SPEF2: variants seen among roughly 807,000 people sequenced by gnomAD.
SPEF2 encodes the protein sperm flagella and cilia-associated protein 2.
A neutral mutation model predicts 224.6 loss-of-function variants in SPEF2; 187 were observed. That is an observed-to-expected ratio of 0.83 (90% CI 0.74 to 0.94). SPEF2 has a LOEUF of 0.94. Ranked by LOEUF, SPEF2 falls within the 40% of genes least tolerant of loss-of-function variation. The pLI is 0.00. For synonymous variants in SPEF2, 715 were observed against 707.3 expected, an observed-to-expected ratio of 1.01 and a Z score of -0.17; for missense variants, 2,170 against 2,135.6, an observed-to-expected ratio of 1.02 and a Z score of -0.32.
chr5:35,706,834 A>T (rs1422518635), intron 18 of SPEF2, among the ~76,000 whole-genome samples: 2 of 152,210 alleles, frequency 1.3e-5, no homozygotes, highest in Non-Finnish European at 2.9e-5. Context: ...CAAACAAAAA[A>T]TAATCATATA....
intron 5 of SPEF2, 41 bp from the exon 6 acceptor site, chr5:35,649,320 G>A: frequency 6.5e-7 from 1 of 1,527,768 alleles, no homozygotes; most frequent in East Asian, 2.3e-5. Context: ...TTTTTCAATG[G>A]TTTTTAGAGG....
chr5:35,664,899 G>A (rs546116064), intron 8 of SPEF2, among the ~76,000 whole-genome samples: 6 of 151,916 alleles, frequency 3.9e-5, no homozygotes, highest in Admixed American at 6.6e-5. Flanking sequence ...TTTTTTGAGC[G>A]TTTTTGTTTT....
At chr5:35,693,906 TA>T (rs139473114) in intron 12 of SPEF2, among the ~76,000 whole-genome samples, 2 of 152,188 alleles carry the variant, frequency 1.3e-5, no homozygotes, top group African/African-American at 4.8e-5. Flanking sequence ...AATGTACATT[TA>T]AAAAAATTAC....
At chr5:35,795,199 G>A (rs1756494503) in intron 32 of SPEF2, among the ~76,000 whole-genome samples, 1 of 152,112 alleles carries the variant, frequency 6.6e-6, no homozygotes, top group Admixed American at 6.6e-5. Flanking sequence ...GAGATCTTGA[G>A]TCAGTCATTC....
At chr5:35,797,151 T>C (rs1756778225) in intron 33 of SPEF2, among the ~76,000 whole-genome samples, 1 of 152,238 alleles carries the variant, frequency 6.6e-6, no homozygotes, top group Admixed American at 6.5e-5. Flanking sequence ...ATCTTTGAGC[T>C]GCTCACTTGG....
chr5:35,628,907 A>G (rs978894042), intron 2 of SPEF2, among the ~76,000 whole-genome samples: 2 of 152,010 alleles, frequency 1.3e-5, no homozygotes, highest in Admixed American at 6.6e-5. Context: ...TTTACTTTTA[A>G]GAAAAGTTCA....
chr5:35,748,798 C>A (rs1277751932), intron 23 of SPEF2, among the ~76,000 whole-genome samples: 2 of 151,178 alleles, frequency 1.3e-5, no homozygotes. Flanking sequence ...GTAGAGAAAG[C>A]ATTACCAAAA....
Position 35,747,805 on chromosome 5 carries a change from G to A in SPEF2, c.3331-5819G>A, listed in dbSNP as rs190888919. ...GATAGAAAGTCAACAAGGAAACAATGGATTTAAACTATTGCTTGGAACAAA... is the reference window on the plus strand; with the variant it reads ...GATAGAAAGTCAACAAGGAAACAATAGATTTAAACTATTGCTTGGAACAAA... On this transcript the variant is annotated intron_variant, in intron 23 of 36. Transcript: ENST00000356031. Among the ~76,000 whole-genome samples, 733 of 152,192 alleles carry A rather than the reference G, an allele frequency of 4.8e-3. 5 individuals carry two copies. The highest frequency in any genetic ancestry group is 0.017 in the African/African-American group (691 of 41,530).
At position 35,792,334 on chromosome 5, in the gene SPEF2, T is replaced by A; in HGVS notation, c.4448-6T>A. ...AAGTGACAAAATATTTTTCATTGTA[T>A]TATAGGCATAATAGGAAATAAAGCA... On this transcript the variant is annotated splice_region_variant and splice_polypyrimidine_tract_variant and intron_variant, in intron 30 of 36. Transcript: ENST00000356031. The A allele has an allele frequency of 6.2e-7, 1 of 1,611,706 alleles. No homozygotes were observed. The highest frequency in any genetic ancestry group is 1.1e-5 in the South Asian group (1 of 90,814).
intron 8 of SPEF2, among the ~76,000 whole-genome samples, chr5:35,664,192 G>T (rs561664230): frequency 6.6e-6 from 1 of 151,164 alleles, no homozygotes; most frequent in East Asian, 2.0e-4. Flanking sequence ...ACATGTATTT[G>T]TGTGGCTTTT....
At chr5:35,651,346 A>C (rs895263493) in intron 6 of SPEF2, among the ~76,000 whole-genome samples, 5 of 152,154 alleles carry the variant, frequency 3.3e-5, no homozygotes, top group African/African-American at 1.2e-4. Flanking sequence ...GGTCCTGCCA[A>C]AGATTTCCAG....
In SPEF2 at chr5:35,694,329, A is replaced by C; in HGVS notation, c.1941A>C (p.Glu647Asp). Residue 647 changes from glutamate to aspartate, a missense_variant, in exon 13 of 37, where the codon GAA (glutamate) becomes GAC (aspartate). By Grantham distance (45) the Glu-to-Asp change is conservative. Transcript: ENST00000356031. ...TTTCAGCTGGTCCAGTTTCAGATGA[A>C]GTATTACCAGAAACAGAAGGTGAAA... ...HVFSAGPVSDEVLPETEGETM... is the reference protein window; with the variant it reads ...HVFSAGPVSDDVLPETEGETM... 1 of 1,613,554 alleles carries C rather than the reference A, an allele frequency of 6.2e-7. No homozygotes were observed. The highest frequency in any genetic ancestry group is 8.5e-7 in the Non-Finnish European group (1 of 1,179,700).
intron 15 of SPEF2, chr5:35,698,356 A>G (rs549897332): frequency 5.1e-4 from 77 of 152,330 alleles, no homozygotes; most frequent in African/African-American, 1.6e-3. Context: ...TTCTTAAAAG[A>G]TGACATTAAA....
chr5:35,702,857 C>T (rs961117760), intron 16 of SPEF2, among the ~76,000 whole-genome samples: 5 of 152,038 alleles, frequency 3.3e-5, no homozygotes, highest in African/African-American at 9.6e-5. Flanking sequence ...AAGAATTGTA[C>T]GCTAAATTTT....
At chr5:35,670,401 C>T in intron 10 of SPEF2, 174 bp downstream of exon 10, 6 of 1,333,586 alleles carry the variant, frequency 4.5e-6, no homozygotes, top group Non-Finnish European at 5.7e-6. Context: ...TTAAACTATA[C>T]ATAAGCTATT....
At chr5:35,712,478 C>T (rs13186771) in intron 19 of SPEF2, among the ~76,000 whole-genome samples, 94,467 of 151,988 alleles carry the variant, frequency 0.62, 31,028 homozygotes, top group East Asian at 0.77. Flanking sequence ...GCCATATGCT[C>T]CAAATGGATT....
At chr5:35,684,855 A>T (rs866842559) in intron 10 of SPEF2, among the ~76,000 whole-genome samples, 47 of 152,290 alleles carry the variant, frequency 3.1e-4, no homozygotes, top group African/African-American at 1.1e-3. Flanking sequence ...TTCCACTTCA[A>T]ATTGGCCTTG....
intron 23 of SPEF2, among the ~76,000 whole-genome samples, chr5:35,747,793 C>G (rs186386961): frequency 1.2e-4 from 18 of 152,224 alleles, no homozygotes; most frequent in Non-Finnish European, 1.9e-4. Flanking sequence ...AGAAAGTCAA[C>G]AAGGAAACAA....
chr5:35,624,831 T>C (rs1744010894), intron 1 of SPEF2, among the ~76,000 whole-genome samples: 1 of 152,128 alleles, frequency 6.6e-6, no homozygotes. Context: ...GAGACAGGGT[T>C]TCATCATATT....
Sources: allele counts gnomAD v4.1 joint callset (sites outside exome capture counted in the v4.1 genomes callset), GRCh38; gene constraint gnomAD v4.1.1; transcripts MANE v1.5; gene names NCBI Gene and HGNC (gene_info 2026-07-23, HGNC 2026-07-21).